Variants in ARHGEF38 observed in about 807,000 individuals in gnomAD.
The protein encoded by ARHGEF38 is Rho guanine nucleotide exchange factor (GEF) 38.
A neutral mutation model predicts 79.9 loss-of-function variants in ARHGEF38; 79 were observed. The observed-to-expected ratio is 0.99, with a 90% CI of 0.82 to 1.19. The LOEUF (loss-of-function observed/expected upper bound fraction) is 1.19, where lower values mean the gene tolerates loss of function less well. Among genes scored for constraint, ARHGEF38 ranks in the 50% most tolerant of loss-of-function variants. The pLI, the probability that ARHGEF38 is intolerant of heterozygous loss-of-function variation, is 0.00. For missense variants in ARHGEF38, 962 were observed against 907.2 expected (o/e 1.06, Z -0.78); for synonymous variants, 366 against 328.3 (o/e 1.11, Z -1.24).
Position 105,659,366 on chromosome 4 carries a change from G to A in ARHGEF38, c.1545+1G>A. On this transcript the variant is annotated splice_donor_variant, in intron 10 of 13. Transcript: ENST00000420470. LOFTEE classifies it high-confidence loss of function. ...GCAGGCTTACTCCACACTTGTGCCG[G>A]TAAGCACAGCACCAACACCTAGCTA... The A allele has an allele frequency of 1.3e-6, 2 of 1,532,556 alleles. No homozygotes were observed. Among genetic ancestry groups the A allele is most frequent in the Non-Finnish European group, 1.7e-6 (2 of 1,145,550 alleles). The allele number at this position is 1,532,556 out of a possible 1,614,324, so 94.9% of individuals were successfully genotyped here. A position where few individuals can be genotyped will look rare whatever the true frequency, so the allele number is the denominator to read the frequency against.
At position 105,680,301 on chromosome 4, in the gene ARHGEF38, G is replaced by A; in HGVS notation, c.*2364G>A. ...GATAGTCACCACATATCTACTAATGGGATTAAAATGTACAATCCTAAAAGC... is the reference window on the plus strand; with the variant it reads ...GATAGTCACCACATATCTACTAATGAGATTAAAATGTACAATCCTAAAAGC... On this transcript the variant is annotated 3_prime_UTR_variant, in exon 14 of 14. Transcript: ENST00000420470. 1 of 312,566 alleles carries A rather than the reference G, an allele frequency of 3.2e-6. No individual in the cohort carries two copies. Among genetic ancestry groups the A allele is most frequent in the Non-Finnish European group, 6.2e-6 (1 of 161,144 alleles). The allele number at this position is 312,566 out of a possible 1,614,324, so 19.4% of individuals were successfully genotyped here. A position where few individuals can be genotyped will look rare whatever the true frequency, so the allele number is the denominator to read the frequency against.
intron 3 of ARHGEF38, among the ~76,000 whole-genome samples, chr4:105,616,673 T>C (rs1728523932): frequency 6.6e-6 from 1 of 151,988 alleles, no homozygotes; most frequent in Non-Finnish European, 1.5e-5. Flanking sequence ...TTAGAAAAAT[T>C]TTGATTTTCT....
At chr4:105,619,433 A>G (rs1179045786) in intron 3 of ARHGEF38, among the ~76,000 whole-genome samples, 3 of 152,034 alleles carry the variant, frequency 2.0e-5, no homozygotes, top group Non-Finnish European at 4.4e-5. Flanking sequence ...AATGCTGCCC[A>G]ATTGTTGACC....
chr4:105,595,453 A>C (rs1345983885), intron 2 of ARHGEF38, among the ~76,000 whole-genome samples: 1 of 152,220 alleles, frequency 6.6e-6, no homozygotes, highest in African/African-American at 2.4e-5. Flanking sequence ...AACATTATAT[A>C]AATAATTTTC....
chr4:105,613,406 G>T lies in ARHGEF38; in HGVS notation c.407G>T (p.Ser136Ile), dbSNP rs775391818. The change falls in exon 3 of 14, where the codon AGC (serine) becomes ATC (isoleucine). Residue 136 changes from serine to isoleucine, a missense_variant. Physicochemically the swap from Ser to Ile is moderately radical, Grantham distance 142 (BLOSUM62 -2). Coordinates refer to ENST00000420470, the MANE Select transcript of ARHGEF38 (RefSeq NM_001242729.2). ...CAGACTGATAGGCTGGATGTGGATAGCTTGTTTAGCAACATTGAGTCCGTG... is the reference window on the plus strand; with the variant it reads ...CAGACTGATAGGCTGGATGTGGATATCTTGTTTAGCAACATTGAGTCCGTG... ...NKKTDRLDVD[S>I]LFSNIESVHQ... is the part of the protein sequence containing the mutation. The T allele has an allele frequency of 2.5e-6, 4 of 1,613,110 alleles. No homozygotes were observed. Among genetic ancestry groups the T allele is most frequent in the South Asian group, 2.2e-5 (2 of 90,986 alleles).
At chr4:105,621,167 G>A (rs1205628002) in intron 3 of ARHGEF38, among the ~76,000 whole-genome samples, 2 of 152,214 alleles carry the variant, frequency 1.3e-5, no homozygotes, top group Non-Finnish European at 2.9e-5. Flanking sequence ...CTCAGCCTGA[G>A]TGGATGTCAA....
chr4:105,679,745 C>T lies in ARHGEF38; in HGVS notation c.*1808C>T. On this transcript the variant is annotated 3_prime_UTR_variant, in exon 14 of 14. Coordinates refer to ENST00000420470, the MANE Select transcript of ARHGEF38 (RefSeq NM_001242729.2). The stretch of plus-strand genomic sequence containing the variant: ...TTTTGTTCCACATGTCTTAGTTGAC[C>T]TTTCTCTTGGTTGATAAAAACATAT... The T allele has an allele frequency of 1.2e-6, 1 of 867,102 alleles. No individual in the cohort carries two copies. Among genetic ancestry groups the T allele is most frequent in the South Asian group, 1.3e-5 (1 of 74,770 alleles). 53.7% of individuals were successfully genotyped at this position (867,102 alleles called of 1,614,324 possible).
intron 3 of ARHGEF38, among the ~76,000 whole-genome samples, chr4:105,625,443 G>C (rs898250429): frequency 6.6e-6 from 1 of 152,222 alleles, no homozygotes; most frequent in African/African-American, 2.4e-5. Flanking sequence ...GTCTGAAGGG[G>C]ATGTGTTCTA....
In ARHGEF38 at chr4:105,610,933, T is replaced by A. The variant is rs572271052; in HGVS notation, c.385-2451T>A. On this transcript the variant is annotated intron_variant, in intron 2 of 13. Coordinates refer to ENST00000420470, the MANE Select transcript of ARHGEF38 (RefSeq NM_001242729.2). ...AAAAACTCAGGAACAAACCAAAAAA[T>A]CTAAACAGAGATAGTAAAGTACTCT... 3.3e-5 allele frequency among the ~76,000 whole-genome samples: 5 copies of A among 152,124 alleles called. No individual in the cohort carries two copies. In the South Asian group the frequency reaches 1.0e-3, roughly 32 times the overall value.
intron 5 of ARHGEF38, among the ~76,000 whole-genome samples, chr4:105,644,707 T>C (rs1285007230): frequency 6.6e-6 from 1 of 152,234 alleles, no homozygotes; most frequent in Non-Finnish European, 1.5e-5. Context: ...ACATTGTAAA[T>C]GCAACTTCTC....
chr4:105,652,068 T>C (rs925527940), intron 7 of ARHGEF38, among the ~76,000 whole-genome samples: 5 of 152,332 alleles, frequency 3.3e-5, no homozygotes, highest in African/African-American at 1.2e-4. Flanking sequence ...CAGAGCCAGC[T>C]GCAAGGGAGT....
intron 2 of ARHGEF38, among the ~76,000 whole-genome samples, chr4:105,599,327 A>T (rs1043118468): frequency 6.6e-6 from 1 of 152,164 alleles, no homozygotes; most frequent in African/African-American, 2.4e-5. Context: ...TATAGTCCAG[A>T]TCGATCAGAA....
At chr4:105,602,162 G>A (rs73837046) in intron 2 of ARHGEF38, among the ~76,000 whole-genome samples, 17,609 of 152,198 alleles carry the variant, frequency 0.12, 1,090 homozygotes, top group Middle Eastern at 0.2. Flanking sequence ...CAGCCCAGCA[G>A]TGGAGAACCA....
chr4:105,645,374 A>AACACATAC lies in ARHGEF38; in HGVS notation c.862_863insCACATACA (p.Arg288ThrfsTer7), dbSNP rs1729795899. 1 of 1,524,806 alleles carries AACACATAC rather than the reference A, an allele frequency of 6.6e-7. No homozygotes were observed. Among genetic ancestry groups the AACACATAC allele is most frequent in the Non-Finnish European group, 8.7e-7 (1 of 1,143,016 alleles). The allele number at this position is 1,524,806 out of a possible 1,614,324, so 94.5% of individuals were successfully genotyped here. On this transcript the variant is annotated frameshift_variant, in exon 6 of 14. Coordinates refer to ENST00000420470, the MANE Select transcript of ARHGEF38 (RefSeq NM_001242729.2). LOFTEE classifies it high-confidence loss of function. The stretch of plus-strand genomic sequence containing the variant: ...ATGTTAACATCAATGAACTTAAAAG[A>AACACATAC]AGGAAAGATTTAGGTAGGAAGAGAC...
intron 3 of ARHGEF38, among the ~76,000 whole-genome samples, chr4:105,622,279 C>T (rs1728766659): frequency 1.3e-5 from 2 of 151,916 alleles, no homozygotes; most frequent in African/African-American, 4.8e-5. Context: ...AATGGACCTG[C>T]GAAAAGTCAC....
At chr4:105,604,754 C>T (rs1049288346) in intron 2 of ARHGEF38, among the ~76,000 whole-genome samples, 6 of 152,108 alleles carry the variant, frequency 3.9e-5, no homozygotes. Context: ...CATGTACACA[C>T]ATTCACACAC....
At chr4:105,597,941 T>C (rs937127319) in intron 2 of ARHGEF38, among the ~76,000 whole-genome samples, 6 of 152,178 alleles carry the variant, frequency 3.9e-5, no homozygotes, top group East Asian at 1.9e-4. Context: ...AATACACATG[T>C]AAAATTTTAC....
At chr4:105,562,737 T>G (rs1341614989) in intron 1 of ARHGEF38, among the ~76,000 whole-genome samples, 1 of 152,160 alleles carries the variant, frequency 6.6e-6, no homozygotes, top group Non-Finnish European at 1.5e-5. Flanking sequence ...TGCAGTAATG[T>G]AACAAGGGCC....
intron 1 of ARHGEF38, among the ~76,000 whole-genome samples, chr4:105,584,583 C>T (rs1290723199): frequency 6.6e-6 from 1 of 152,164 alleles, no homozygotes; most frequent in African/African-American, 2.4e-5. Flanking sequence ...CAGTCTGGCT[C>T]CCAAGGCTAT....
Sources: gnomAD v4.1 joint callset for allele counts (sites outside exome capture counted in the v4.1 genomes callset) on GRCh38, gnomAD v4.1.1 for gene constraint, MANE v1.5 for transcripts, NCBI Gene and HGNC (gene_info 2026-07-23, HGNC 2026-07-21) for gene names.